The following ARHGEF28 variants were observed in gnomAD, a reference collection of about 807,000 sequenced individuals.
The protein encoded by ARHGEF28 is 190 kDa guanine nucleotide exchange factor.
Under a neutral mutation model 206.6 loss-of-function variants are expected in ARHGEF28, and 152 were observed. The ratio of observed to expected loss-of-function variants is 0.74; its 90% CI spans 0.64 to 0.84. ARHGEF28 has a LOEUF of 0.84. ARHGEF28 is among the 40% of genes least tolerant of loss of function. The probability of loss-of-function intolerance (pLI) is 0.00; values close to 1 mark genes in which losing one functional copy is unlikely to be tolerated. For synonymous variants in ARHGEF28, 763 were observed against 776.4 expected, an observed-to-expected ratio of 0.98 and a Z score of 0.29; for missense variants, 2,028 against 2,073.2, an observed-to-expected ratio of 0.98 and a Z score of 0.42.
chr5:73,731,010 C>CCAAAA (rs1750591789), intron 2 of ARHGEF28, among the ~76,000 whole-genome samples: 1 of 103,686 alleles, frequency 9.6e-6, no homozygotes. Context: ...TGCCTTTAAG[C>CCAAAA]TAAAAAAAAA....
intron 2 of ARHGEF28, among the ~76,000 whole-genome samples, chr5:73,712,036 A>G (rs1222289981): frequency 4.6e-5 from 7 of 152,026 alleles, no homozygotes; most frequent in African/African-American, 1.4e-4. Flanking sequence ...CTTTTCCTGC[A>G]TCTATTAGAT....
At chr5:73,632,372 A>G (rs1467082523) in intron 1 of ARHGEF28, among the ~76,000 whole-genome samples, 1 of 152,212 alleles carries the variant, frequency 6.6e-6, no homozygotes, top group Non-Finnish European at 1.5e-5. Context: ...AAAGAAACCT[A>G]AAAGTTTTTC....
intron 4 of ARHGEF28, among the ~76,000 whole-genome samples, chr5:73,756,069 G>A (rs575659132): frequency 1.3e-5 from 2 of 152,320 alleles, no homozygotes; most frequent in South Asian, 4.2e-4. Context: ...CCTCCTGGCT[G>A]TGAGACTTGG....
intron 4 of ARHGEF28, among the ~76,000 whole-genome samples, chr5:73,772,982 G>T (rs1753308725): frequency 6.6e-6 from 1 of 152,210 alleles, no homozygotes; most frequent in Admixed American, 6.5e-5. Flanking sequence ...TTTGTTCTCA[G>T]TGTCCATTTT....
intron 2 of ARHGEF28, among the ~76,000 whole-genome samples, chr5:73,707,198 A>T (rs1258565695): frequency 6.6e-6 from 1 of 152,150 alleles, no homozygotes; most frequent in Admixed American, 6.5e-5. Context: ...CTTTATAATC[A>T]GTGTCCCCTA....
chr5:73,840,725 AT>A lies in ARHGEF28; in HGVS notation c.1395del (p.Phe465LeufsTer8). ...TGAATCTTTCTTTTGGTTGGCATGG[AT>A]TTGAAAAGGAACAAAGTCATCTAAA... ...NLNLSFGWHGFEKEQSHLKKR... is the reference protein window; with the variant it reads ...NLNLSFGWHGXEKEQSHLKKR... On this transcript the variant is annotated frameshift_variant, in exon 11 of 36. Transcript: ENST00000513042. LOFTEE classifies it high-confidence loss of function. 1 of 1,611,296 alleles carries A rather than the reference AT, an allele frequency of 6.2e-7. No individual in the cohort carries two copies. Among genetic ancestry groups the A allele is most frequent in the South Asian group, 1.1e-5 (1 of 90,478 alleles).
At chr5:73,893,330 C>T (rs370306387) in intron 28 of ARHGEF28, 42 bp downstream of exon 28, 104 of 1,467,296 alleles carry the variant, frequency 7.1e-5, no homozygotes, top group African/African-American at 3.4e-4. Flanking sequence ...GTGGTGTTCT[C>T]CTGGGTGTTG....
intron 9 of ARHGEF28, among the ~76,000 whole-genome samples, chr5:73,801,121 G>A (rs1311892959): frequency 2.0e-5 from 3 of 152,166 alleles, no homozygotes; most frequent in Admixed American, 6.5e-5. Flanking sequence ...CTTGTAAGTC[G>A]CCTGTGGAAA....
At chr5:73,804,277 A>C (rs933323567) in intron 9 of ARHGEF28, among the ~76,000 whole-genome samples, 20 of 152,034 alleles carry the variant, frequency 1.3e-4, no homozygotes, top group Admixed American at 7.9e-4. Flanking sequence ...TTCACTCTTG[A>C]GATCTTATTA....
intron 1 of ARHGEF28, among the ~76,000 whole-genome samples, chr5:73,667,799 C>T (rs2112206221): frequency 6.6e-6 from 1 of 152,316 alleles, no homozygotes; most frequent in South Asian, 2.1e-4. Context: ...TTATGCAGCA[C>T]TTTGAATATT....
At chr5:73,899,010 A>G (rs1422953823) in intron 30 of ARHGEF28, 1 of 152,174 alleles carries the variant, frequency 6.6e-6, no homozygotes, top group Non-Finnish European at 1.5e-5. Context: ...CCCTTGATTA[A>G]TTAAGATATA....
chr5:73,841,388 C>A (rs930111990), intron 11 of ARHGEF28, among the ~76,000 whole-genome samples: 2 of 152,040 alleles, frequency 1.3e-5, no homozygotes, highest in African/African-American at 4.8e-5. Flanking sequence ...TTATAGGGCA[C>A]CTACATATGT....
rs889538743 is a variant in ARHGEF28 at position 73,892,191 on chromosome 5, G to T, written c.3527G>T (p.Arg1176Leu). ...ATTCACACCAATTCCAAGGAGGAAC[G>T]CAATAACTGGATGAGACGGATCCAG... ...YEIHTNSKEE[R>L]NNWMRRIQQA... The change falls in exon 27 of 36, where the codon CGC (arginine) becomes CTC (leucine). Residue 1176 changes from arginine to leucine, a missense_variant. Transcript: ENST00000513042. 1 of 1,574,660 alleles carries T rather than the reference G, an allele frequency of 6.4e-7. No individual in the cohort carries two copies. The highest frequency in any genetic ancestry group is 1.3e-5 in the African/African-American group (1 of 74,290).
chr5:73,705,529 A>G (rs1236430669), intron 2 of ARHGEF28, among the ~76,000 whole-genome samples: 1 of 152,190 alleles, frequency 6.6e-6, no homozygotes, highest in Non-Finnish European at 1.5e-5. Flanking sequence ...TGACTAGACT[A>G]TTCATACTGT....
intron 1 of ARHGEF28, among the ~76,000 whole-genome samples, chr5:73,663,712 A>T (rs868101143): frequency 6.6e-6 from 1 of 152,210 alleles, no homozygotes; most frequent in South Asian, 2.1e-4. Context: ...GCCCTTTGTA[A>T]TATTCAGGAC....
In ARHGEF28 at chr5:73,911,169, C is replaced by G. The variant is rs1762876823; in HGVS notation, c.4648-106C>G. 3 of 1,189,698 alleles carry G rather than the reference C, an allele frequency of 2.5e-6. No individual in the cohort carries two copies. In the Admixed American group the frequency reaches 7.8e-5, roughly 31 times the overall value. 73.7% of individuals were successfully genotyped at this position (1,189,698 alleles called of 1,614,324 possible). A position where few individuals can be genotyped will look rare whatever the true frequency, so the allele number is the denominator to read the frequency against. On this transcript the variant is annotated intron_variant, in intron 34 of 35. Transcript: ENST00000513042. ...AAAAGAAGTGGTAATCTTGACCTCA[C>G]TTTTACTGAAATCTTGATTCCTAAG... is the stretch of plus-strand genomic sequence containing the variant.
At chr5:73,658,962 TACACACACACACACACAC>T (rs55877309) in intron 1 of ARHGEF28, among the ~76,000 whole-genome samples, 3 of 124,742 alleles carry the variant, frequency 2.4e-5, no homozygotes, top group African/African-American at 8.2e-5. Flanking sequence ...TGCATGCAGG[TACACACACACACACACAC>T]ACACACACAC....
chr5:73,772,424 G>A (rs1411745333), intron 4 of ARHGEF28, among the ~76,000 whole-genome samples: 1 of 152,182 alleles, frequency 6.6e-6, no homozygotes, highest in East Asian at 1.9e-4. Context: ...TGTGGCCCAG[G>A]TTGGCATGCA....
At chr5:73,816,188 A>C (rs760031947) in intron 9 of ARHGEF28, among the ~76,000 whole-genome samples, 9 of 152,146 alleles carry the variant, frequency 5.9e-5, no homozygotes, top group Non-Finnish European at 1.2e-4. Flanking sequence ...CTCTGCTTAC[A>C]GGGATCTTAA....
Sources: gnomAD v4.1 joint callset for allele counts (sites outside exome capture counted in the v4.1 genomes callset) on GRCh38, gnomAD v4.1.1 for gene constraint, MANE v1.5 for transcripts, NCBI Gene and HGNC (gene_info 2026-07-23, HGNC 2026-07-21) for gene names.